Variants in DLGAP2 observed in about 807,000 individuals in gnomAD.
DLGAP2 encodes the protein disks large-associated protein 2.
A neutral mutation model predicts 100.3 loss-of-function variants in DLGAP2; 26 were observed. The ratio of observed to expected loss-of-function variants is 0.26; its 90% CI spans 0.19 to 0.36. DLGAP2 has a LOEUF of 0.36. Ranked by LOEUF, DLGAP2 falls within the 10% of genes least tolerant of loss-of-function variation. The probability of loss-of-function intolerance (pLI) is 1.00; values close to 1 mark genes in which losing one functional copy is unlikely to be tolerated. For synonymous variants in DLGAP2, 886 were observed against 630.1 expected (o/e 1.41, Z -6.08); for missense variants, 1,858 against 1,453.2 (o/e 1.28, Z -4.53).
At chr8:1,230,931 C>G (rs908130358) in intron 2 of DLGAP2, among the ~76,000 whole-genome samples, 6 of 152,178 alleles carry the variant, frequency 3.9e-5, no homozygotes, top group Admixed American at 6.5e-5. Flanking sequence ...AAACACCATT[C>G]TGGACATCAG....
intron 8 of DLGAP2, among the ~76,000 whole-genome samples, chr8:1,646,634 A>C (rs558956555): frequency 1.3e-5 from 2 of 152,338 alleles, no homozygotes; most frequent in African/African-American, 4.8e-5. Flanking sequence ...CAGAAACTTC[A>C]GTCCTTGTAG....
At chr8:1,213,165 T>G (rs1362691229) in intron 2 of DLGAP2, among the ~76,000 whole-genome samples, 2 of 152,172 alleles carry the variant, frequency 1.3e-5, no homozygotes, top group African/African-American at 2.4e-5. Context: ...ATTTCCTTGC[T>G]GTGTGCGGGA....
At chr8:1,513,837 C>T (rs1311622333) in intron 4 of DLGAP2, among the ~76,000 whole-genome samples, 2 of 149,074 alleles carry the variant, frequency 1.3e-5, no homozygotes, top group African/African-American at 4.9e-5. Flanking sequence ...CAACACGAAA[C>T]ATCCTTCTTC....
At chr8:1,674,285 T>C (rs1306979273) in intron 10 of DLGAP2, among the ~76,000 whole-genome samples, 1 of 152,184 alleles carries the variant, frequency 6.6e-6, no homozygotes, top group Non-Finnish European at 1.5e-5. Context: ...GCTCAAGTGA[T>C]CCTCCTGCCA....
At chr8:1,514,720 C>G (rs905682526) in intron 4 of DLGAP2, among the ~76,000 whole-genome samples, 1 of 152,208 alleles carries the variant, frequency 6.6e-6, no homozygotes, top group Non-Finnish European at 1.5e-5. Flanking sequence ...GTCCCACAGT[C>G]AGTGAGGATG....
chr8:1,153,708 A>G (rs1796734415), intron 2 of DLGAP2, among the ~76,000 whole-genome samples: 1 of 152,226 alleles, frequency 6.6e-6, no homozygotes, highest in Admixed American at 6.5e-5. Context: ...GCATTGCCAG[A>G]CCATTAACAT....
chr8:1,676,934 G>C (rs192790866), intron 11 of DLGAP2, among the ~76,000 whole-genome samples: 3 of 152,302 alleles, frequency 2.0e-5, no homozygotes, highest in African/African-American at 4.8e-5. Flanking sequence ...GCCAATGCAG[G>C]CCTTACGCCT....
rs186090465 is a variant in DLGAP2, at chr8:1,116,481, A to G, written c.74-142370A>G. ...CTTTATCTGTAAAGTGGGGGTGACA[A>G]TATTCACCTCACATTGAGAATGGGG... On this transcript the variant is annotated intron_variant, in intron 2 of 14. Coordinates refer to ENST00000637795, the MANE Select transcript of DLGAP2 (RefSeq NM_001346810.2). Among the ~76,000 whole-genome samples the G allele has an allele frequency of 1.2e-3, 176 of 152,298 alleles. 3 individuals are homozygous for G. The highest frequency in any genetic ancestry group is 0.011 in the Admixed American group (173 of 15,294).
At chr8:880,791 C>A (rs948454187) in intron 1 of DLGAP2, among the ~76,000 whole-genome samples, 1 of 152,252 alleles carries the variant, frequency 6.6e-6, no homozygotes, top group African/African-American at 2.4e-5. Context: ...CCCCCACTTG[C>A]CACTGTAACT....
Position 1,417,159 on chromosome 8 carries a change from A to AGGCGGGGGAGACCGTCTG in DLGAP2, c.107-84207_107-84206insGGCGGGGGAGACCGTCTG, listed in dbSNP as rs1563133699. Among the ~76,000 whole-genome samples, 79 of 77,230 alleles carry AGGCGGGGGAGACCGTCTG rather than the reference A, an allele frequency of 1.0e-3. 7 individuals are homozygous for AGGCGGGGGAGACCGTCTG. The highest frequency in any genetic ancestry group is 4.5e-3 in the East Asian group (9 of 2,022). 50.7% of individuals were successfully genotyped at this position (77,230 alleles called of 152,430 possible). On this transcript the variant is annotated intron_variant, in intron 3 of 14. Transcript: ENST00000637795. ...TCTGAGGCGGGGGAGACTCTGAGTGAAGGGGAAGCCCCCGTTCATTTAGTG... is the reference window on the plus strand; with the variant it reads ...TCTGAGGCGGGGGAGACTCTGAGTGAGGCGGGGGAGACCGTCTGAGGGGAAGCCCCCGTTCATTTAGTG...
In DLGAP2 at chr8:1,470,784, GCCTTTCCC is replaced by G. The variant is rs772803006; in HGVS notation, c.107-30581_107-30574del. Among the ~76,000 whole-genome samples, 493 of 67,478 alleles carry G rather than the reference GCCTTTCCC, an allele frequency of 7.3e-3. 93 individuals carry two copies. Among genetic ancestry groups the G allele is most frequent in the African/African-American group, 0.017 (337 of 20,088 alleles). 44.3% of individuals were successfully genotyped at this position (67,478 alleles called of 152,430 possible). A position where few individuals can be genotyped will look rare whatever the true frequency, so the allele number is the denominator to read the frequency against. On this transcript the variant is annotated intron_variant, in intron 3 of 14. Transcript: ENST00000637795. ...CCTCCAGCCTTTCCCGACTCCCCCA[GCCTTTCCC>G]GACCCCTCCAGCCTTTCCCGACCCC...
chr8:1,046,475 C>T (rs1398352774), intron 2 of DLGAP2, among the ~76,000 whole-genome samples: 1 of 152,094 alleles, frequency 6.6e-6, no homozygotes, highest in South Asian at 2.1e-4. Flanking sequence ...CTGATTCAAA[C>T]CTTTTCTGCT....
chr8:1,337,081 TAGAG>T (rs1347712209), intron 3 of DLGAP2, among the ~76,000 whole-genome samples: 16 of 151,900 alleles, frequency 1.1e-4, no homozygotes, highest in Middle Eastern at 3.4e-3. Flanking sequence ...GATGAGAAGA[TAGAG>T]AGGAGGAGGA....
chr8:890,863 C>T (rs778397373), intron 1 of DLGAP2, among the ~76,000 whole-genome samples: 3 of 152,172 alleles, frequency 2.0e-5, no homozygotes, highest in Non-Finnish European at 4.4e-5. Flanking sequence ...GGCATGACAA[C>T]CCTGTTGCAT....
Position 1,414,282 on chromosome 8 carries a change from A to T in DLGAP2, c.107-87084A>T, listed in dbSNP as rs150818291. Among the ~76,000 whole-genome samples the T allele has an allele frequency of 1.1e-3, 160 of 152,350 alleles. 2 individuals are homozygous for T. Among genetic ancestry groups the T allele is most frequent in the African/African-American group, 3.6e-3 (149 of 41,586 alleles). ...GTGGGGTTGGCATGGCGCCCTGAGC[A>T]TGTGATTGGAGGGTGTGTTTCACAG... On this transcript the variant is annotated intron_variant, in intron 3 of 14. Transcript: ENST00000637795.
At position 1,097,220 on chromosome 8, in the gene DLGAP2, C is replaced by A. The variant is rs568313624; in HGVS notation, c.74-161631C>A. Among the ~76,000 whole-genome samples, 94 of 132,652 alleles carry A rather than the reference C, an allele frequency of 7.1e-4. 6 individuals are homozygous for A. The highest frequency in any genetic ancestry group is 2.7e-3 in the African/African-American group (90 of 32,844). The allele number at this position is 132,652 out of a possible 152,430, so 87.0% of individuals were successfully genotyped here. The stretch of plus-strand genomic sequence containing the variant: ...GAGCTGGGAGCCTAGGGCAGGCCTT[C>A]ACCCTCTGTGGCATGGAGAGGTCCC... On this transcript the variant is annotated intron_variant, in intron 2 of 14. Transcript: ENST00000637795.
chr8:1,603,123 G>C (rs1796680501), intron 6 of DLGAP2, among the ~76,000 whole-genome samples: 2 of 151,974 alleles, frequency 1.3e-5, no homozygotes, highest in South Asian at 4.2e-4. Context: ...CTGGGTCTCA[G>C]TTCTCCACAG....
chr8:1,114,998 T>C (rs1267213277), intron 2 of DLGAP2, among the ~76,000 whole-genome samples: 3 of 152,248 alleles, frequency 2.0e-5, no homozygotes, highest in Non-Finnish European at 4.4e-5. Context: ...TGTAATTTCA[T>C]GGTTTTGAGT....
At chr8:1,150,146 G>C (rs747632322) in intron 2 of DLGAP2, among the ~76,000 whole-genome samples, 4 of 152,052 alleles carry the variant, frequency 2.6e-5, no homozygotes, top group Non-Finnish European at 4.4e-5. Context: ...CCTAATTTTT[G>C]CTTTAGTGTG....
Sources: gnomAD v4.1 joint callset for allele counts (sites outside exome capture counted in the v4.1 genomes callset) on GRCh38, gnomAD v4.1.1 for gene constraint, MANE v1.5 for transcripts, NCBI Gene and HGNC (gene_info 2026-07-23, HGNC 2026-07-21) for gene names.